The following CDH12 variants were observed in gnomAD, a reference collection of about 807,000 sequenced individuals.
The protein encoded by CDH12 is cadherin-12.
CDH12 carries 41 observed loss-of-function variants against 74.1 expected under a neutral mutation model. The observed-to-expected ratio is 0.55, with a 90% confidence interval of 0.43 to 0.72. CDH12 has a LOEUF of 0.72. CDH12 is among the 30% of genes least tolerant of loss of function. The pLI is 0.00. For synonymous variants in CDH12, 399 were observed against 355.0 expected, an observed-to-expected ratio of 1.12 and a Z score of -1.39; for missense variants, 945 against 977.2, an observed-to-expected ratio of 0.97 and a Z score of 0.44.
At chr5:22,628,624 T>C (rs974419197) in intron 1 of CDH12, among the ~76,000 whole-genome samples, 1 of 152,242 alleles carries the variant, frequency 6.6e-6, no homozygotes, top group South Asian at 2.1e-4. Flanking sequence ...TTTATAGCGC[T>C]AAACACCAGT....
At chr5:22,251,370 A>G (rs1580448608) in intron 3 of CDH12, among the ~76,000 whole-genome samples, 1 of 152,290 alleles carries the variant, frequency 6.6e-6, no homozygotes, top group East Asian at 1.9e-4. Context: ...GAAGTAGAGA[A>G]TCTACTCAAG....
chr5:22,482,827 C>T (rs1746436884), intron 2 of CDH12, among the ~76,000 whole-genome samples: 1 of 152,088 alleles, frequency 6.6e-6, no homozygotes, highest in Non-Finnish European at 1.5e-5. Flanking sequence ...AAAATATATA[C>T]CATTCACCTT....
At chr5:21,832,769 A>G (rs910190470) in intron 8 of CDH12, among the ~76,000 whole-genome samples, 1 of 126,626 alleles carries the variant, frequency 7.9e-6, no homozygotes, top group Admixed American at 9.9e-5. Context: ...TATATGATAT[A>G]TATTATATTA....
chr5:22,085,811 C>T (rs1743024677), intron 4 of CDH12, among the ~76,000 whole-genome samples: 1 of 152,138 alleles, frequency 6.6e-6, no homozygotes, highest in African/African-American at 2.4e-5. Flanking sequence ...TTTTATTTGA[C>T]TTAACTTCAT....
rs770666143 is a variant in CDH12, at chr5:21,802,399, T to C, written c.1024A>G (p.Lys342Glu). ...GCCTCAACTTTGAAAGTGTATGCCTTCTTTGTTTCAAAATCTAAAGGCTGT... is the reference window on the plus strand; with the variant it reads ...GCCTCAACTTTGAAAGTGTATGCCTCCTTTGTTTCAAAATCTAAAGGCTGT... ...LKKPLDFETK[K>E]AYTFKVEASN... Residue 342 changes from lysine to glutamate, a missense_variant, in exon 10 of 15, where the codon AAG (lysine) becomes GAG (glutamate). Coordinates refer to ENST00000382254, the MANE Select transcript of CDH12 (RefSeq NM_004061.5). 6.2e-7 allele frequency: 1 copy of C among 1,613,704 alleles called. No homozygotes were observed. The highest frequency in any genetic ancestry group is 1.1e-5 in the South Asian group (1 of 91,088).
intron 3 of CDH12, among the ~76,000 whole-genome samples, chr5:22,297,394 T>C (rs947765610): frequency 6.6e-5 from 10 of 152,214 alleles, no homozygotes; most frequent in African/African-American, 9.6e-5. Flanking sequence ...GTATTATGTG[T>C]ATTTCTAACT....
At chr5:22,588,938 G>A (rs1012323414) in intron 1 of CDH12, among the ~76,000 whole-genome samples, 13 of 151,910 alleles carry the variant, frequency 8.6e-5, no homozygotes, top group Non-Finnish European at 1.6e-4. Flanking sequence ...CTATAACCAC[G>A]CCATTATACT....
At chr5:22,828,042 C>A (rs1736421250) in intron 1 of CDH12, among the ~76,000 whole-genome samples, 1 of 152,136 alleles carries the variant, frequency 6.6e-6, no homozygotes, top group African/African-American at 2.4e-5. Context: ...GTCCTATAAT[C>A]TGGAGAAGAC....
Position 22,639,521 on chromosome 5 carries a change from T to C in CDH12, c.-522-134157A>G, listed in dbSNP as rs1323291192. Among the ~76,000 whole-genome samples the C allele has an allele frequency of 2.0e-5, 3 of 149,836 alleles. No homozygotes were observed. The East Asian group carries it at 6.0e-4, about 30-fold the overall frequency. ...GTCTTGACACTGACCACAGCCAACA[T>C]GAGGCAATTGCCGACTGCTCTAAAC... On this transcript the variant is annotated intron_variant, in intron 1 of 14. Coordinates refer to ENST00000382254, the MANE Select transcript of CDH12 (RefSeq NM_004061.5).
At chr5:21,975,787 A>G (rs535418373) in intron 5 of CDH12, among the ~76,000 whole-genome samples, 2 of 152,110 alleles carry the variant, frequency 1.3e-5, no homozygotes, top group South Asian at 4.1e-4. Context: ...AAAACCAACA[A>G]ATTTTGAAAA....
intron 3 of CDH12, among the ~76,000 whole-genome samples, chr5:22,348,695 T>C (rs1740229804): frequency 1.3e-5 from 2 of 152,192 alleles, no homozygotes; most frequent in African/African-American, 4.8e-5. Context: ...ATCTGTAAAC[T>C]GGTACTAATG....
At chr5:22,322,005 G>A (rs141793424) in intron 3 of CDH12, among the ~76,000 whole-genome samples, 25 of 152,058 alleles carry the variant, frequency 1.6e-4, no homozygotes, top group Middle Eastern at 3.4e-3. Context: ...TAGCAAATTC[G>A]TTATCTATTT....
intron 5 of CDH12, among the ~76,000 whole-genome samples, chr5:22,004,613 C>T (rs1736827938): frequency 6.6e-6 from 1 of 152,192 alleles, no homozygotes; most frequent in Non-Finnish European, 1.5e-5. Flanking sequence ...CACATTGTTG[C>T]TGAAATATCA....
chr5:22,781,709 C>T (rs891532310), intron 1 of CDH12, among the ~76,000 whole-genome samples: 6 of 152,110 alleles, frequency 3.9e-5, no homozygotes, highest in African/African-American at 9.7e-5. Flanking sequence ...CCTGCTTCTT[C>T]GGCCAGAATG....
intron 4 of CDH12, among the ~76,000 whole-genome samples, chr5:22,162,453 A>G (rs1748409727): frequency 6.6e-6 from 1 of 152,060 alleles, no homozygotes; most frequent in African/African-American, 2.4e-5. Context: ...TGCACTTTCC[A>G]TCTGAAGAAT....
intron 3 of CDH12, among the ~76,000 whole-genome samples, chr5:22,260,498 G>A (rs1561262944): frequency 6.6e-6 from 1 of 151,948 alleles, no homozygotes. Context: ...TCTTTTCTAT[G>A]TTTTAAATGA....
intron 1 of CDH12, among the ~76,000 whole-genome samples, chr5:22,785,414 G>A (rs1176450859): frequency 6.6e-6 from 1 of 152,058 alleles, no homozygotes; most frequent in Non-Finnish European, 1.5e-5. Context: ...CTCTGGTAAT[G>A]TCTACCTAAT....
At chr5:22,552,184 G>C (rs1738602894) in intron 1 of CDH12, among the ~76,000 whole-genome samples, 1 of 151,940 alleles carries the variant, frequency 6.6e-6, no homozygotes, top group Non-Finnish European at 1.5e-5. Context: ...AATATACAAA[G>C]GGGAGAGCTC....
chr5:22,199,564 G>C (rs1750807375), intron 4 of CDH12, among the ~76,000 whole-genome samples: 1 of 152,122 alleles, frequency 6.6e-6, no homozygotes, highest in Non-Finnish European at 1.5e-5. Flanking sequence ...TTTCATGCCT[G>C]CAGATCAGAG....
Sources: allele counts gnomAD v4.1 joint callset (sites outside exome capture counted in the v4.1 genomes callset), GRCh38; gene constraint gnomAD v4.1.1; transcripts MANE v1.5; gene names NCBI Gene and HGNC (gene_info 2026-07-23, HGNC 2026-07-21).